Variants in NSA2 observed in about 807,000 individuals in gnomAD.
NSA2 encodes the protein ribosome biogenesis protein NSA2 homolog.
NSA2 carries 18 observed loss-of-function variants against 34.8 expected under a neutral mutation model. That is an observed-to-expected ratio of 0.52 (90% CI 0.36 to 0.77). The LOEUF is 0.77. Among genes scored for constraint, NSA2 ranks in the 30% least tolerant of loss-of-function variants. The pLI, the probability that NSA2 is intolerant of heterozygous loss-of-function variation, is 0.00. For synonymous variants in NSA2, 79 were observed against 100.2 expected (o/e 0.79, Z 1.26); for missense variants, 188 against 314.7 (o/e 0.60, Z 3.05).
chr5:74,772,612 A>G (rs1212891232), intron 4 of NSA2, among the ~76,000 whole-genome samples: 2 of 152,142 alleles, frequency 1.3e-5, no homozygotes, highest in African/African-American at 2.4e-5. Flanking sequence ...TTTACACAAA[A>G]TGTTTGCCCA....
intron 3 of NSA2, among the ~76,000 whole-genome samples, chr5:74,770,330 C>CT (rs1406228027): frequency 1.5e-5 from 2 of 129,630 alleles, no homozygotes; most frequent in East Asian, 5.0e-4. Context: ...GAGACTCCAT[C>CT]TAAAAAAAAA....
At position 74,770,395 on chromosome 5, in the gene NSA2, T is replaced by C. The variant is rs368379384; in HGVS notation, c.343-236T>C. 1.9e-3 allele frequency among the ~76,000 whole-genome samples: 289 copies of C among 151,722 alleles called. 1 individual carries two copies. The highest frequency in any genetic ancestry group is 9.0e-3 in the South Asian group (43 of 4,800). On this transcript the variant is annotated intron_variant, in intron 3 of 5. Transcript: ENST00000610426. ...TATTTTCTCACCCATAACACAGCAT[T>C]AAGATTTTTAGCTTAAGCCAACCAT...
At chr5:74,773,785 A>T in intron 4 of NSA2, 83 bp from the exon 5 acceptor site, 1 of 1,091,410 alleles carries the variant, frequency 9.2e-7, no homozygotes, top group South Asian at 1.8e-5. Context: ...GAGATGGTTG[A>T]AAAAGATAAG....
At position 74,779,497 on chromosome 5, in the gene NSA2, CAT is replaced by C. The variant is rs1243887819; in HGVS notation, c.*2827_*2828del. The C allele has an allele frequency of 6.6e-6, 1 of 152,136 alleles. No individual in the cohort carries two copies. The highest frequency in any genetic ancestry group is 1.5e-5 in the Non-Finnish European group (1 of 67,964). The allele number at this position is 152,136 out of a possible 1,614,324, so 9.4% of individuals were successfully genotyped here. A position where few individuals can be genotyped will look rare whatever the true frequency, so the allele number is the denominator to read the frequency against. ...GTGTTTTCAAATCTAAGAAATGAAA[CAT>C]GTAAAGATTAAGAATTTACTGAATC... is the stretch of plus-strand genomic sequence containing the variant. On this transcript the variant is annotated 3_prime_UTR_variant, in exon 6 of 6. Transcript: ENST00000610426.
At position 74,777,904 on chromosome 5, in the gene NSA2, C is replaced by T. The variant is rs1274652169; in HGVS notation, c.*1233C>T. ...CTGGAAGTTTTAGAACACATACAGACGCTTAGGAAAAGAAAGGCTAGTTCC... is the reference window on the plus strand; with the variant it reads ...CTGGAAGTTTTAGAACACATACAGATGCTTAGGAAAAGAAAGGCTAGTTCC... On this transcript the variant is annotated 3_prime_UTR_variant, in exon 6 of 6. Transcript: ENST00000610426. 1.3e-5 allele frequency: 2 copies of T among 151,860 alleles called. No individual in the cohort carries two copies. The highest frequency in any genetic ancestry group is 4.8e-5 in the African/African-American group (2 of 41,378). The allele number at this position is 151,860 out of a possible 1,614,324, so 9.4% of individuals were successfully genotyped here.
intron 1 of NSA2, among the ~76,000 whole-genome samples, chr5:74,768,022 A>G (rs537757301): frequency 5.3e-5 from 8 of 152,328 alleles, no homozygotes; most frequent in Non-Finnish European, 8.8e-5. Flanking sequence ...CAGCCTTAAA[A>G]TACGAATAGA....
In NSA2 at chr5:74,773,493, A is replaced by G. The variant is rs1011406282; in HGVS notation, c.523-375A>G. 2.7e-5 allele frequency among the ~76,000 whole-genome samples: 4 copies of G among 150,136 alleles called. No individual in the cohort carries two copies. The South Asian group carries it at 6.3e-4, about 24-fold the overall frequency. ...ACCAAAAAAAAAAAAAAAAAAAATA[A>G]GCTAGGCATGGTGGTGCGTGCCTGT... On this transcript the variant is annotated intron_variant, in intron 4 of 5. Coordinates refer to ENST00000610426, the MANE Select transcript of NSA2 (RefSeq NM_014886.6).
chr5:74,768,333 A>G (rs968483401), intron 1 of NSA2, among the ~76,000 whole-genome samples: 24 of 152,226 alleles, frequency 1.6e-4, no homozygotes, highest in African/African-American at 5.5e-4. Flanking sequence ...TGAATCCCAA[A>G]AGCAAGAAAC....
chr5:74,772,316 C>T (rs541719108), intron 4 of NSA2, among the ~76,000 whole-genome samples: 3 of 151,912 alleles, frequency 2.0e-5, no homozygotes, highest in Non-Finnish European at 2.9e-5. Flanking sequence ...TTTGTAGAGA[C>T]GGGGTTTCAC....
intron 5 of NSA2, among the ~76,000 whole-genome samples, chr5:74,774,420 G>A (rs979878091): frequency 2.6e-5 from 4 of 151,996 alleles, no homozygotes; most frequent in East Asian, 1.9e-4. Flanking sequence ...TGGCCAACAT[G>A]GCAAAACCCC....
Position 74,777,900 on chromosome 5 carries a change from C to T in NSA2, c.*1229C>T, listed in dbSNP as rs928450756. 3 of 151,970 alleles carry T rather than the reference C, an allele frequency of 2.0e-5. No homozygotes were observed. The highest frequency in any genetic ancestry group is 4.8e-5 in the African/African-American group (2 of 41,428). 9.4% of individuals were successfully genotyped at this position (151,970 alleles called of 1,614,324 possible). A position where few individuals can be genotyped will look rare whatever the true frequency, so the allele number is the denominator to read the frequency against. ...TATACTGGAAGTTTTAGAACACATA[C>T]AGACGCTTAGGAAAAGAAAGGCTAG... On this transcript the variant is annotated 3_prime_UTR_variant, in exon 6 of 6. Coordinates refer to ENST00000610426, the MANE Select transcript of NSA2 (RefSeq NM_014886.6).
chr5:74,776,776 AAG>A lies in NSA2; in HGVS notation c.*109_*110del, dbSNP rs1192366398. The A allele has an allele frequency of 7.7e-6, 5 of 652,072 alleles. No individual in the cohort carries two copies. Among genetic ancestry groups the A allele is most frequent in the Non-Finnish European group, 1.4e-5 (5 of 358,018 alleles). 40.4% of individuals were successfully genotyped at this position (652,072 alleles called of 1,614,324 possible). A position where few individuals can be genotyped will look rare whatever the true frequency, so the allele number is the denominator to read the frequency against. ...CAAACAGCCATACATGTCTGCAATG[AAG>A]AGATTTATTAAATTGTAAACATTAA... is the stretch of plus-strand genomic sequence containing the variant. On this transcript the variant is annotated 3_prime_UTR_variant, in exon 6 of 6. Coordinates refer to ENST00000610426, the MANE Select transcript of NSA2 (RefSeq NM_014886.6).
intron 4 of NSA2, 55 bp downstream of exon 4, chr5:74,770,865 GA>G: frequency 8.1e-7 from 1 of 1,238,820 alleles, no homozygotes; most frequent in Non-Finnish European, 1.1e-6. Context: ...TATTAAATCG[GA>G]TAAAGAACAT....
At chr5:74,767,556 T>G (rs375154779) in intron 1 of NSA2, among the ~76,000 whole-genome samples, 193 bp downstream of exon 1, 9 of 152,228 alleles carry the variant, frequency 5.9e-5, no homozygotes, top group East Asian at 5.8e-4. Context: ...AGACGGTATT[T>G]GCCAGAACAC....
rs1200923070 is a variant in NSA2, at chr5:74,778,092, G to A, written c.*1421G>A. 2.0e-5 allele frequency: 3 copies of A among 151,930 alleles called. No homozygotes were observed. The highest frequency in any genetic ancestry group is 7.2e-5 in the African/African-American group (3 of 41,418). 9.4% of individuals were successfully genotyped at this position (151,930 alleles called of 1,614,324 possible). A position where few individuals can be genotyped will look rare whatever the true frequency, so the allele number is the denominator to read the frequency against. On this transcript the variant is annotated 3_prime_UTR_variant, in exon 6 of 6. Transcript: ENST00000610426. ...AAATACTGACTCCAGGTAATTTCTG[G>A]ATACTACAAAAATGAAGTTTGCTTG...
Position 74,776,876 on chromosome 5 carries a change from G to GA in NSA2, c.*212dup, listed in dbSNP as rs1393854854. Reference sequence around the variant, plus strand: ...CCCATGTTCATAAAACTGAATGATTGAAAAAAAGCAAATATACAAATATCC... The same window carrying GA: ...CCCATGTTCATAAAACTGAATGATTGAAAAAAAAGCAAATATACAAATATCC... On this transcript the variant is annotated 3_prime_UTR_variant, in exon 6 of 6. Transcript: ENST00000610426. The GA allele has an allele frequency of 2.5e-6, 1 of 399,054 alleles. No homozygotes were observed. The highest frequency in any genetic ancestry group is 4.5e-6 in the Non-Finnish European group (1 of 220,014). 24.7% of individuals were successfully genotyped at this position (399,054 alleles called of 1,614,324 possible).
chr5:74,769,413 A>C (rs1447743820), intron 3 of NSA2, 49 bp downstream of exon 3: 1 of 1,485,054 alleles, frequency 6.7e-7, no homozygotes, highest in South Asian at 1.3e-5. Flanking sequence ...GAATTACTTA[A>C]ATTCAAATTT....
chr5:74,773,611 G>A (rs1745017354), intron 4 of NSA2, among the ~76,000 whole-genome samples: 1 of 152,146 alleles, frequency 6.6e-6, no homozygotes, highest in African/African-American at 2.4e-5. Flanking sequence ...CTGCACTCTG[G>A]CGTGGGCAAC....
Position 74,776,776 on chromosome 5 carries a change from A to AAG in NSA2, c.*109_*110dup. The AAG allele has an allele frequency of 1.5e-6, 1 of 652,190 alleles. No individual in the cohort carries two copies. Among genetic ancestry groups the AAG allele is most frequent in the Non-Finnish European group, 2.8e-6 (1 of 358,010 alleles). 40.4% of individuals were successfully genotyped at this position (652,190 alleles called of 1,614,324 possible). ...CAAACAGCCATACATGTCTGCAATG[A>AAG]AGAGATTTATTAAATTGTAAACATT... On this transcript the variant is annotated 3_prime_UTR_variant, in exon 6 of 6. Transcript: ENST00000610426.
Sources: gnomAD v4.1 joint callset for allele counts (sites outside exome capture counted in the v4.1 genomes callset) on GRCh38, gnomAD v4.1.1 for gene constraint, MANE v1.5 for transcripts, NCBI Gene and HGNC (gene_info 2026-07-23, HGNC 2026-07-21) for gene names.